Variants in PIGU observed in about 807,000 individuals in gnomAD.
PIGU encodes the protein GPI-anchor transamidase component PIGU.
In PIGU, 24 loss-of-function variants were observed where a neutral mutation model predicts 49.9. That is an observed-to-expected ratio of 0.48 (90% CI 0.35 to 0.68). PIGU has a LOEUF of 0.68. PIGU is among the 30% of genes least tolerant of loss of function. PIGU has a pLI of 0.01. For missense variants in PIGU, 490 were observed against 532.6 expected, an observed-to-expected ratio of 0.92 and a Z score of 0.79; for synonymous variants, 220 against 205.7, an observed-to-expected ratio of 1.07 and a Z score of -0.59.
At chr20:34,607,581 A>G (rs772928994) in intron 7 of PIGU, among the ~76,000 whole-genome samples, 2 of 152,198 alleles carry the variant, frequency 1.3e-5, no homozygotes, top group Non-Finnish European at 2.9e-5. Flanking sequence ...TGCATTTACC[A>G]TCTCCAATTC....
chr20:34,592,437 GAAA>G (rs11475377), intron 7 of PIGU, among the ~76,000 whole-genome samples: 1 of 120,418 alleles, frequency 8.3e-6, no homozygotes, highest in Non-Finnish European at 1.7e-5. Context: ...GAATAATTAA[GAAA>G]AAAAAAAAAA....
intron 1 of PIGU, among the ~76,000 whole-genome samples, chr20:34,670,052 AG>A (rs1987257404): frequency 6.6e-6 from 1 of 152,182 alleles, no homozygotes; most frequent in Non-Finnish European, 1.5e-5. Flanking sequence ...ATTGTGACGA[AG>A]GGGGGCTTCT....
chr20:34,601,893 A>G (rs1448612855), intron 7 of PIGU, among the ~76,000 whole-genome samples: 2 of 152,216 alleles, frequency 1.3e-5, no homozygotes, highest in Non-Finnish European at 2.9e-5. Context: ...TTTGACTTCA[A>G]CAAGGTTCAC....
chr20:34,668,862 TA>T (rs2146796812), intron 1 of PIGU, among the ~76,000 whole-genome samples: 1 of 134,120 alleles, frequency 7.5e-6, no homozygotes, highest in Non-Finnish European at 1.6e-5. Context: ...GAAAAAATGG[TA>T]AAACTTTTTT....
At chr20:34,661,147 G>A (rs1171797742) in intron 1 of PIGU, among the ~76,000 whole-genome samples, 1 of 151,898 alleles carries the variant, frequency 6.6e-6, no homozygotes, top group Non-Finnish European at 1.5e-5. Flanking sequence ...AATATAATAG[G>A]TTTTTTTGGT....
chr20:34,672,983 G>A (rs1987359430), intron 1 of PIGU, among the ~76,000 whole-genome samples: 1 of 152,028 alleles, frequency 6.6e-6, no homozygotes, highest in Admixed American at 6.6e-5. Flanking sequence ...AGCCCGGCGT[G>A]GTGGCTCACG....
At chr20:34,647,827 T>G (rs1456226156) in intron 2 of PIGU, among the ~76,000 whole-genome samples, 1 of 152,218 alleles carries the variant, frequency 6.6e-6, no homozygotes, top group African/African-American at 2.4e-5. Context: ...ATATGCATAT[T>G]AACACCTATG....
chr20:34,671,884 T>C (rs548624303), intron 1 of PIGU, among the ~76,000 whole-genome samples: 3 of 152,042 alleles, frequency 2.0e-5, no homozygotes, highest in African/African-American at 7.2e-5. Flanking sequence ...GATTGTGCCA[T>C]TGCACTCCAG....
intron 7 of PIGU, among the ~76,000 whole-genome samples, chr20:34,615,494 C>T (rs746529400): frequency 7.2e-5 from 11 of 152,166 alleles, no homozygotes; most frequent in Non-Finnish European, 4.4e-5. Context: ...CTTATACATT[C>T]CCAAGGATAT....
chr20:34,626,215 GT>G (rs1431445622), intron 6 of PIGU, among the ~76,000 whole-genome samples: 1 of 151,468 alleles, frequency 6.6e-6, no homozygotes, highest in Non-Finnish European at 1.5e-5. Context: ...GTTCTCAAAA[GT>G]AGAATAAAAA....
chr20:34,618,152 G>C (rs182034243), intron 6 of PIGU, among the ~76,000 whole-genome samples: 1 of 152,196 alleles, frequency 6.6e-6, no homozygotes, highest in African/African-American at 2.4e-5. Flanking sequence ...GTTTATAGTG[G>C]TTATCTCTGG....
At chr20:34,659,478 G>A (rs1399173796) in intron 1 of PIGU, among the ~76,000 whole-genome samples, 1 of 151,440 alleles carries the variant, frequency 6.6e-6, no homozygotes. Context: ...GAGGTGAGGG[G>A]CGCCTCTGCC....
chr20:34,664,874 G>A (rs1263413813), intron 1 of PIGU, among the ~76,000 whole-genome samples: 1 of 151,938 alleles, frequency 6.6e-6, no homozygotes, highest in Non-Finnish European at 1.5e-5. Context: ...CAGCTACTCA[G>A]CAGGCTGAGG....
At chr20:34,634,591 T>C (rs764968118) in intron 6 of PIGU, 24 bp downstream of exon 6, 1 of 1,610,286 alleles carries the variant, frequency 6.2e-7, no homozygotes, top group Non-Finnish European at 8.5e-7. Context: ...GACTGACCTT[T>C]GTACTCTCCT....
At chr20:34,592,518 G>A (rs1469752792) in intron 7 of PIGU, among the ~76,000 whole-genome samples, 1 of 151,234 alleles carries the variant, frequency 6.6e-6, no homozygotes, top group Non-Finnish European at 1.5e-5. Flanking sequence ...TATCAGGGAG[G>A]AGAAAATATT....
At chr20:34,643,200 C>T (rs1986225261) in intron 4 of PIGU, among the ~76,000 whole-genome samples, 1 of 152,114 alleles carries the variant, frequency 6.6e-6, no homozygotes, top group South Asian at 2.1e-4. Context: ...AAAGACCACA[C>T]ACCAATAACA....
intron 1 of PIGU, among the ~76,000 whole-genome samples, chr20:34,666,841 C>A (rs559367581): frequency 6.6e-6 from 1 of 151,806 alleles, no homozygotes; most frequent in Non-Finnish European, 1.5e-5. Context: ...GGACTCCAGG[C>A]GCCTGCCACC....
intron 11 of PIGU, among the ~76,000 whole-genome samples, chr20:34,561,373 C>T (rs1017592250): frequency 2.6e-5 from 4 of 152,204 alleles, no homozygotes; most frequent in African/African-American, 9.7e-5. Flanking sequence ...TCCATGCCCC[C>T]ATCTTCCAGC....
chr20:34,629,054 T>C, intron 6 of PIGU, among the ~76,000 whole-genome samples: 1 of 150,944 alleles, frequency 6.6e-6, no homozygotes, highest in East Asian at 2.0e-4. Context: ...TCTCGCTCTG[T>C]CGCCCAGGCT....
Sources: gnomAD v4.1 joint callset for allele counts (sites outside exome capture counted in the v4.1 genomes callset) on GRCh38, gnomAD v4.1.1 for gene constraint, MANE v1.5 for transcripts, NCBI Gene and HGNC (gene_info 2026-07-23, HGNC 2026-07-21) for gene names.